Variants in SCAP observed in about 807,000 individuals in gnomAD.
SCAP encodes the protein SREBF chaperone.
SCAP carries 65 observed loss-of-function variants against 123.6 expected under a neutral mutation model. The observed-to-expected ratio is 0.53, with a 90% confidence interval of 0.43 to 0.65. The LOEUF (loss-of-function observed/expected upper bound fraction) is 0.65. Among genes scored for constraint, SCAP ranks in the 30% least tolerant of loss-of-function variants. The pLI is 0.00. For synonymous variants in SCAP, 740 were observed against 726.3 expected, an observed-to-expected ratio of 1.02 and a Z score of -0.30; for missense variants, 1,398 against 1,712.5, an observed-to-expected ratio of 0.82 and a Z score of 3.24.
At chr3:47,434,442 C>T (rs920444549) in intron 3 of SCAP, among the ~76,000 whole-genome samples, 1 of 152,144 alleles carries the variant, frequency 6.6e-6, no homozygotes, top group Non-Finnish European at 1.5e-5. Context: ...AACTGAAGAC[C>T]TTTTTTCTCA....
intron 3 of SCAP, among the ~76,000 whole-genome samples, chr3:47,429,525 T>C (rs1244342160): frequency 6.6e-6 from 1 of 152,206 alleles, no homozygotes; most frequent in East Asian, 1.9e-4. Flanking sequence ...TTTTCAAAAA[T>C]GTTTTGTAGG....
chr3:47,418,880 T>C, intron 13 of SCAP, 37 bp from the exon 14 acceptor site: 1 of 1,473,588 alleles, frequency 6.8e-7, no homozygotes, highest in Non-Finnish European at 9.0e-7. Context: ...GCGGGGGGCC[T>C]CCCAGGGCTT....
chr3:47,420,697 A>T lies in SCAP; in HGVS notation c.1420T>A (p.Tyr474Asn), dbSNP rs899322737. Residue 474 changes from tyrosine to asparagine, a missense_variant, in exon 12 of 23, where the codon TAC (tyrosine) becomes AAC (asparagine). Tyr to Asn is a moderately radical substitution (Grantham distance 143, BLOSUM62 -2). Around this residue, in one of 7 missense-constraint regions of SCAP, gnomAD observed 828 missense variants for 882.5 expected, o/e 0.94. Transcript: ENST00000265565. The surrounding 1 kb of genome is among the most constrained non-coding windows in gnomAD (Gnocchi z 5.0). ...SAKPVGQPTR[Y>N]ERQLAVRPST... is the part of the protein sequence containing the mutation. ...GGCCTCACAGCCAGCTGCCGCTCGT[A>T]GCGCGTTGGCTGTCCCACTGGCTTG... The T allele has an allele frequency of 5.6e-6, 9 of 1,611,624 alleles. No homozygotes were observed. In the African/African-American group the frequency reaches 1.1e-4, roughly 19 times the overall value.
intron 1 of SCAP, 51 bp from the exon 2 acceptor site, chr3:47,443,142 A>C: frequency 7.2e-7 from 1 of 1,387,374 alleles, no homozygotes; most frequent in South Asian, 1.4e-5. Context: ...GGCTCTGCAC[A>C]CTAGGGCTGC....
chr3:47,461,873 A>C (rs1410435571), intron 1 of SCAP, among the ~76,000 whole-genome samples: 2 of 152,160 alleles, frequency 1.3e-5, no homozygotes, highest in Non-Finnish European at 2.9e-5. Context: ...ATCTCTACTA[A>C]AAATACAAAA....
At chr3:47,443,296 TCTCTCTCTCTC>T (rs1389672531) in intron 1 of SCAP, 50 of 209,100 alleles carry the variant, frequency 2.4e-4, no homozygotes, top group Admixed American at 2.0e-3. Flanking sequence ...TCTCTCTCTC[TCTCTCTCTCTC>T]TCTCCCTCCC....
intron 1 of SCAP, among the ~76,000 whole-genome samples, chr3:47,460,400 G>A (rs1248605402): frequency 6.6e-6 from 1 of 152,188 alleles, no homozygotes; most frequent in Non-Finnish European, 1.5e-5. Flanking sequence ...ACAGGTGTAA[G>A]AAATTATAAA....
rs752185806 is a variant in SCAP, at chr3:47,424,058, AAGG to A, written c.1038-16_1038-14del. ...GGGGAAAATCTCGCTGGGGACAGAGAAGGAGAAGGTGAGGACAGTGTTGTGGTG... is the reference window on the plus strand; with the variant it reads ...GGGGAAAATCTCGCTGGGGACAGAGAAGAAGGTGAGGACAGTGTTGTGGTG... On this transcript the variant is annotated splice_polypyrimidine_tract_variant and intron_variant, in intron 8 of 22. Coordinates refer to ENST00000265565, the MANE Select transcript of SCAP (RefSeq NM_012235.4). 24 of 1,595,510 alleles carry A rather than the reference AAGG, an allele frequency of 1.5e-5. No homozygotes were observed. Among genetic ancestry groups the A allele is most frequent in the Middle Eastern group, 3.3e-4 (2 of 6,052 alleles).
rs1705850167 is a variant in SCAP, at chr3:47,420,608, C to T, written c.1509G>A (p.Arg503=). ...SSFRNLRLPK[R]LRVVYFLART... ...GGGCCAGGAAGTAGACAACACGCAG[C>T]CTCTTGGGGAGCCGCAGGTTTCGGA... The change falls in exon 12 of 23, where the codon AGG becomes AGA. Residue 503 remains arginine, a synonymous_variant. Coordinates refer to ENST00000265565, the MANE Select transcript of SCAP (RefSeq NM_012235.4). The surrounding 1 kb of genome is among the most constrained non-coding windows in gnomAD (Gnocchi z 5.0). 6.2e-7 allele frequency: 1 copy of T among 1,611,936 alleles called. No homozygotes were observed. Among genetic ancestry groups the T allele is most frequent in the African/African-American group, 1.3e-5 (1 of 74,928 alleles).
upstream of SCAP, among the ~76,000 whole-genome samples, chr3:47,476,331 C>T (rs960177252): frequency 1.3e-5 from 2 of 152,144 alleles, no homozygotes; most frequent in African/African-American, 2.4e-5. Context: ...TGTGGTGGCG[C>T]GCACCTGTGG....
In SCAP at chr3:47,423,937, G is replaced by A. The variant is rs776108316; in HGVS notation, c.1146C>T (p.Ala382=). 7 of 1,613,044 alleles carry A rather than the reference G, an allele frequency of 4.3e-6. No homozygotes were observed. Among genetic ancestry groups the A allele is most frequent in the Non-Finnish European group, 5.9e-6 (7 of 1,179,064 alleles). ...PVDLEVKLRI[A]QGLSSESWSI... ...CCAACTCTCCCACTGCGTTACCTTG[G>A]GCGATCCGCAGCTTCACCTCCAGGT... is the stretch of plus-strand genomic sequence containing the variant. The change falls in exon 9 of 23, where the codon GCC becomes GCT. Residue 382 remains alanine, a synonymous_variant. Transcript: ENST00000265565.
rs1174482344 is a variant in SCAP, at chr3:47,417,330, C to T, written c.2944G>A (p.Val982Met). 2 of 1,612,150 alleles carry T rather than the reference C, an allele frequency of 1.2e-6. No homozygotes were observed. The highest frequency in any genetic ancestry group is 1.1e-5 in the South Asian group (1 of 91,012). ...SLELQGNLIV[V>M]GRSSGRLEVW... ...TCCAGCCGGCCGCTGCTCCGCCCCA[C>T]CACGATGAGGTTGCCCTGCAGCTCC... The change falls in exon 17 of 23, where the codon GTG becomes ATG. Residue 982 changes from valine to methionine, a missense_variant. Physicochemically the swap from Val to Met is conservative, Grantham distance 21. Coordinates refer to ENST00000265565, the MANE Select transcript of SCAP (RefSeq NM_012235.4).
At chr3:47,427,692 C>A (rs1264872340) in intron 4 of SCAP, 25 bp from the exon 5 acceptor site, 5 of 1,601,354 alleles carry the variant, frequency 3.1e-6, no homozygotes, top group African/African-American at 1.3e-5. Flanking sequence ...GGACAAGGCA[C>A]CTGCTGTGTC....
At position 47,427,484 on chromosome 3, in the gene SCAP, G is replaced by C. The variant is rs766972801; in HGVS notation, c.594C>G (p.His198Gln). 1 of 1,614,224 alleles carries C rather than the reference G, an allele frequency of 6.2e-7. No individual in the cohort carries two copies. Among genetic ancestry groups the C allele is most frequent in the South Asian group, 1.1e-5 (1 of 91,086 alleles). Residue 198 changes from histidine (H) to glutamine (Q), a missense_variant, in exon 5 of 23, where the codon CAC becomes CAG. By Grantham distance (24) the His-to-Gln change is conservative (BLOSUM62 0). Around this residue, in one of 7 missense-constraint regions of SCAP, gnomAD observed 319 missense variants for 432.4 expected, o/e 0.74. Coordinates refer to ENST00000265565, the MANE Select transcript of SCAP (RefSeq NM_012235.4). ...DPDIIGTIHQ[H>Q]EPKTLQTSAT... ...CTGAAGTCTGCAGGGTTTTAGGCTC[G>C]TGCTGGTGGATGGTCCCAATGATGT...
At position 47,418,837 on chromosome 3, in the gene SCAP, G is replaced by A; in HGVS notation, c.1947C>T (p.Ile649=). The change falls in exon 14 of 23, where the codon ATC becomes ATT. Residue 649 remains isoleucine (I), a synonymous_variant. Coordinates refer to ENST00000265565, the MANE Select transcript of SCAP (RefSeq NM_012235.4). The stretch of plus-strand genomic sequence containing the variant: ...TGACTGGGATGACGGGCAGCAGGCT[G>A]ATGTACCTGGATTCGGACAGTGGGC... ...YYNITLAKRY[I]SLLPVIPVTL... is the part of the protein sequence containing the mutation. The A allele has an allele frequency of 6.6e-7, 1 of 1,521,756 alleles. No homozygotes were observed. Among genetic ancestry groups the A allele is most frequent in the African/African-American group, 1.4e-5 (1 of 71,858 alleles). 94.3% of individuals were successfully genotyped at this position (1,521,756 alleles called of 1,614,324 possible). A position where few individuals can be genotyped will look rare whatever the true frequency, so the allele number is the denominator to read the frequency against.
At position 47,452,696 on chromosome 3, in the gene SCAP, T is replaced by C. The variant is rs961782667; in HGVS notation, c.-98-9605A>G. The stretch of plus-strand genomic sequence containing the variant: ...ACACACCCTCCAGCTGACAGTGATA[T>C]GCTCAAATTTGAGAAACACTGCCCT... On this transcript the variant is annotated intron_variant, in intron 1 of 22. Transcript: ENST00000265565. Among the ~76,000 whole-genome samples, 3 of 152,310 alleles carry C rather than the reference T, an allele frequency of 2.0e-5. No homozygotes were observed. In the South Asian group the frequency reaches 6.2e-4, roughly 32 times the overall value.
intron 17 of SCAP, 27 bp downstream of exon 17, chr3:47,417,277 C>T: frequency 6.2e-7 from 1 of 1,612,100 alleles, no homozygotes; most frequent in Non-Finnish European, 8.5e-7. Flanking sequence ...GACAGCCGCT[C>T]TGCCCACCTT....
At chr3:47,463,762 C>T (rs1301353921) in intron 1 of SCAP, among the ~76,000 whole-genome samples, 4 of 152,100 alleles carry the variant, frequency 2.6e-5, no homozygotes, top group Non-Finnish European at 5.9e-5. Context: ...TTGTTCACTG[C>T]TGAATCCCCA....
In SCAP at chr3:47,475,823, T is replaced by TGCG. The variant is rs562562485; in HGVS notation, c.-126_-124dup. The TGCG allele has an allele frequency of 0.013, 1,998 of 158,352 alleles. 51 individuals are homozygous for TGCG. The highest frequency in any genetic ancestry group is 0.045 in the African/African-American group (1,849 of 41,424). 9.8% of individuals were successfully genotyped at this position (158,352 alleles called of 1,614,324 possible). On this transcript the variant is annotated 5_prime_UTR_variant, in exon 1 of 23. Transcript: ENST00000265565. ...CCTGTGGTGGCAGCACCTCCCAAGC[T>TGCG]GCGGCGGCGGCGGCGGCGGCGACGG...
Sources: gnomAD v4.1 joint callset for allele counts (sites outside exome capture counted in the v4.1 genomes callset) on GRCh38, gnomAD v4.1.1 for gene constraint, gnomAD v4.1.1 regional missense constraint, Gnocchi (gnomAD v3.1) non-coding constraint, MANE v1.5 for transcripts, NCBI Gene and HGNC (gene_info 2026-07-23, HGNC 2026-07-21) for gene names.